Variants in KATNIP observed in about 807,000 individuals in gnomAD.
KATNIP encodes katanin-interacting protein.
Under a neutral mutation model 174.0 loss-of-function variants are expected in KATNIP, and 126 were observed. The ratio of observed to expected loss-of-function variants is 0.72; its 90% CI spans 0.63 to 0.84. The LOEUF (loss-of-function observed/expected upper bound fraction) is 0.84. KATNIP is among the 40% of genes least tolerant of loss of function. KATNIP has a pLI of 0.00. For missense variants in KATNIP, 1,958 were observed against 2,109.7 expected, an observed-to-expected ratio of 0.93 and a Z score of 1.41; for synonymous variants, 810 against 835.7, an observed-to-expected ratio of 0.97 and a Z score of 0.53.
chr16:27,605,009 A>G (rs926749650), intron 2 of KATNIP, among the ~76,000 whole-genome samples: 1 of 152,066 alleles, frequency 6.6e-6, no homozygotes, highest in Non-Finnish European at 1.5e-5. Context: ...GCTCACTGCA[A>G]CCTCTGCCTC....
At chr16:27,746,534 A>C (rs992006568) in intron 15 of KATNIP, among the ~76,000 whole-genome samples, 1 of 152,202 alleles carries the variant, frequency 6.6e-6, no homozygotes, top group Non-Finnish European at 1.5e-5. Context: ...AGGGCTGCAC[A>C]ATTGTGGTGC....
chr16:27,706,422 A>C (rs554739826), intron 12 of KATNIP, among the ~76,000 whole-genome samples: 16 of 152,324 alleles, frequency 1.1e-4, no homozygotes, highest in South Asian at 4.1e-4. Context: ...GGAAAGGGTC[A>C]GTTCCCCTAT....
chr16:27,593,821 G>A (rs527392330), intron 2 of KATNIP, among the ~76,000 whole-genome samples: 3 of 152,282 alleles, frequency 2.0e-5, no homozygotes, highest in Non-Finnish European at 4.4e-5. Flanking sequence ...CAGCCTAAAC[G>A]TTTTCATCCA....
chr16:27,690,051 C>G (rs938135349), intron 8 of KATNIP, among the ~76,000 whole-genome samples: 1 of 152,088 alleles, frequency 6.6e-6, no homozygotes, highest in Non-Finnish European at 1.5e-5. Flanking sequence ...GCGTGTAAGC[C>G]TAGCACTTTG....
chr16:27,566,570 T>A (rs1341494921), intron 1 of KATNIP, among the ~76,000 whole-genome samples: 1 of 132,848 alleles, frequency 7.5e-6, no homozygotes. Context: ...GGTATGGGGG[T>A]GGGGGTAGTA....
At chr16:27,692,910 CT>C (rs1457029691) in intron 8 of KATNIP, among the ~76,000 whole-genome samples, 1 of 152,182 alleles carries the variant, frequency 6.6e-6, no homozygotes, top group Non-Finnish European at 1.5e-5. Context: ...GTACCTTTGA[CT>C]TTGTGGATAA....
At chr16:27,703,650 G>A (rs2079188077) in intron 11 of KATNIP, among the ~76,000 whole-genome samples, 1 of 152,206 alleles carries the variant, frequency 6.6e-6, no homozygotes, top group Admixed American at 6.5e-5. Context: ...TAAGCTTAGG[G>A]AGGTCAGCTG....
At chr16:27,753,860 TC>T (rs1245810289) in intron 17 of KATNIP, among the ~76,000 whole-genome samples, 9 of 151,932 alleles carry the variant, frequency 5.9e-5, no homozygotes, top group Admixed American at 4.6e-4. Context: ...CTTTCTTTCT[TC>T]CTCTAGCTCA....
chr16:27,706,956 C>G (rs2079333813), intron 12 of KATNIP, among the ~76,000 whole-genome samples: 1 of 152,202 alleles, frequency 6.6e-6, no homozygotes, highest in Non-Finnish European at 1.5e-5. Context: ...GAGGCTTGGC[C>G]AGGACCCCAC....
intron 2 of KATNIP, among the ~76,000 whole-genome samples, chr16:27,590,866 C>T (rs2075139799): frequency 6.6e-6 from 1 of 152,194 alleles, no homozygotes; most frequent in African/African-American, 2.4e-5. Flanking sequence ...AGGGATTTCT[C>T]AACATTTTTA....
chr16:27,736,225 A>G (rs1380181794), intron 14 of KATNIP, among the ~76,000 whole-genome samples: 1 of 151,906 alleles, frequency 6.6e-6, no homozygotes, highest in Non-Finnish European at 1.5e-5. Context: ...CTGGTCTCGA[A>G]CTCCTGACCT....
At chr16:27,574,556 TTC>T in intron 2 of KATNIP, among the ~76,000 whole-genome samples, 1 of 136,752 alleles carries the variant, frequency 7.3e-6, no homozygotes, top group Non-Finnish European at 1.5e-5. Context: ...CCACTTTCTA[TTC>T]TTTTTTTTTT....
chr16:27,589,616 G>T (rs966372156), intron 2 of KATNIP, among the ~76,000 whole-genome samples: 2 of 152,140 alleles, frequency 1.3e-5, no homozygotes, highest in Non-Finnish European at 2.9e-5. Flanking sequence ...CTTTCTAATT[G>T]TATGGAATAG....
chr16:27,554,467 GA>G (rs2089526123), intron 1 of KATNIP, among the ~76,000 whole-genome samples: 1 of 151,668 alleles, frequency 6.6e-6, no homozygotes, highest in Admixed American at 6.6e-5. Context: ...TGTCTCAAAA[GA>G]AAAAAAATTC....
chr16:27,698,545 T>C lies in KATNIP; in HGVS notation c.1113+45T>C, dbSNP rs1249704165. 3 of 1,544,652 alleles carry C rather than the reference T, an allele frequency of 1.9e-6. No individual in the cohort carries two copies. The East Asian group carries it at 6.9e-5, about 36-fold the overall frequency. ...AGGAACCGGGGGATGCTCCCTGGACTGGGCAGTGTCTGAGCTGCAGTTGAG... is the reference window on the plus strand; with the variant it reads ...AGGAACCGGGGGATGCTCCCTGGACCGGGCAGTGTCTGAGCTGCAGTTGAG... On this transcript the variant is annotated intron_variant, in intron 9 of 27. Coordinates refer to ENST00000261588, the MANE Select transcript of KATNIP (RefSeq NM_015202.5).
intron 5 of KATNIP, chr16:27,631,404 G>A: frequency 2.1e-6 from 1 of 485,132 alleles, no homozygotes; most frequent in Non-Finnish European, 3.7e-6. Context: ...AATTCGCCAG[G>A]TGTGGCAGCA....
intron 5 of KATNIP, among the ~76,000 whole-genome samples, chr16:27,635,627 G>T (rs890994247): frequency 1.3e-5 from 2 of 152,080 alleles, no homozygotes; most frequent in African/African-American, 4.8e-5. Context: ...ATTCAAGAAG[G>T]CTCAGTTCCT....
intron 6 of KATNIP, among the ~76,000 whole-genome samples, chr16:27,672,853 C>CA (rs2077970509): frequency 1.3e-5 from 2 of 152,256 alleles, no homozygotes; most frequent in East Asian, 3.9e-4. Context: ...CTCAACTGAC[C>CA]ATGGGTTCAA....
At chr16:27,729,616 T>G (rs2080582309) in intron 14 of KATNIP, among the ~76,000 whole-genome samples, 1 of 152,178 alleles carries the variant, frequency 6.6e-6, no homozygotes, top group Admixed American at 6.5e-5. Flanking sequence ...TAACCACATA[T>G]CAAAGCTGCA....
Sources: gnomAD v4.1 joint callset for allele counts (sites outside exome capture counted in the v4.1 genomes callset) on GRCh38, gnomAD v4.1.1 for gene constraint, MANE v1.5 for transcripts, NCBI Gene and HGNC (gene_info 2026-07-23, HGNC 2026-07-21) for gene names.